Variants in RFX7 observed in about 807,000 individuals in gnomAD.
RFX7 encodes regulatory factor X7, also known as DNA-binding protein RFX7.
A neutral mutation model predicts 111.8 loss-of-function variants in RFX7; 26 were observed. The ratio of observed to expected loss-of-function variants is 0.23; its 90% confidence interval spans 0.17 to 0.32. The LOEUF is 0.32. RFX7 is among the 10% of genes least tolerant of loss of function. RFX7 has a pLI of 1.00. For missense variants in RFX7, 1,573 were observed against 1,772.9 expected, an observed-to-expected ratio of 0.89 and a Z score of 2.02; for synonymous variants, 624 against 624.4, an observed-to-expected ratio of 1.00 and a Z score of 0.01.
chr15:56,149,883 G>T (rs1328251918), intron 3 of RFX7, among the ~76,000 whole-genome samples: 1 of 152,078 alleles, frequency 6.6e-6, no homozygotes, highest in Non-Finnish European at 1.5e-5. Flanking sequence ...CTGGAAAGGG[G>T]CGCTGAAGCC....
intron 2 of RFX7, among the ~76,000 whole-genome samples, chr15:56,184,443 T>C (rs1378641374): frequency 4.6e-5 from 7 of 152,108 alleles, no homozygotes; most frequent in Non-Finnish European, 8.8e-5. Context: ...CTTTTTCTTA[T>C]CTAATTACTT....
chr15:56,229,622 G>A (rs1056982750), intron 2 of RFX7, among the ~76,000 whole-genome samples: 4 of 152,244 alleles, frequency 2.6e-5, no homozygotes, highest in Non-Finnish European at 4.4e-5. Flanking sequence ...CGGAAGACTC[G>A]TTAAAACAAA....
At chr15:56,107,376 TA>T (rs1163752050) in intron 5 of RFX7, among the ~76,000 whole-genome samples, 5 of 151,326 alleles carry the variant, frequency 3.3e-5, no homozygotes, top group Admixed American at 2.0e-4. Context: ...AGTACATTTT[TA>T]AGCCTGAAAT....
At chr15:56,153,493 T>C (rs1258054206) in intron 3 of RFX7, among the ~76,000 whole-genome samples, 1 of 152,040 alleles carries the variant, frequency 6.6e-6, no homozygotes, top group Non-Finnish European at 1.5e-5. Flanking sequence ...TCAATAAACA[T>C]AATCCCATCC....
At chr15:56,241,130 C>CA (rs1333182092) in intron 2 of RFX7, among the ~76,000 whole-genome samples, 1 of 151,998 alleles carries the variant, frequency 6.6e-6, no homozygotes, top group Non-Finnish European at 1.5e-5. Context: ...AATTTTAAAA[C>CA]AAAAATATAA....
intron 3 of RFX7, among the ~76,000 whole-genome samples, chr15:56,164,377 C>T (rs1446581996): frequency 6.6e-6 from 1 of 152,180 alleles, no homozygotes; most frequent in Admixed American, 6.5e-5. Context: ...TTGTTATTAC[C>T]ATCCAGACTA....
At chr15:56,105,955 G>A (rs2041824454) in intron 5 of RFX7, among the ~76,000 whole-genome samples, 1 of 152,108 alleles carries the variant, frequency 6.6e-6, no homozygotes, top group Non-Finnish European at 1.5e-5. Context: ...ATACATTGTT[G>A]AACTATAGGG....
chr15:56,147,852 C>T (rs1043760271), intron 3 of RFX7, among the ~76,000 whole-genome samples: 1 of 152,204 alleles, frequency 6.6e-6, no homozygotes, highest in African/African-American at 2.4e-5. Context: ...GGATTACAGG[C>T]GTGAGCCACC....
At chr15:56,139,348 C>T (rs543006257) in intron 5 of RFX7, among the ~76,000 whole-genome samples, 7 of 152,128 alleles carry the variant, frequency 4.6e-5, no homozygotes, top group East Asian at 1.9e-4. Context: ...ATTCCCTTCT[C>T]GCTTCATTTC....
intron 2 of RFX7, among the ~76,000 whole-genome samples, chr15:56,205,897 GCTA>G (rs1234399367): frequency 6.6e-6 from 1 of 152,146 alleles, no homozygotes; most frequent in African/African-American, 2.4e-5. Context: ...CATTAGGATA[GCTA>G]CTATTAAAAA....
intron 2 of RFX7, among the ~76,000 whole-genome samples, chr15:56,212,934 C>G (rs945228120): frequency 1.3e-5 from 2 of 152,010 alleles, no homozygotes; most frequent in Non-Finnish European, 2.9e-5. Flanking sequence ...CATCATTAGC[C>G]ATTAGGGAAA....
chr15:56,132,424 A>G (rs1458108016), intron 5 of RFX7, among the ~76,000 whole-genome samples: 2 of 152,094 alleles, frequency 1.3e-5, no homozygotes, highest in East Asian at 1.9e-4. Context: ...GTAAGGTAAC[A>G]GTACATTATA....
chr15:56,227,925 T>C (rs2043503674), intron 2 of RFX7, among the ~76,000 whole-genome samples: 1 of 152,204 alleles, frequency 6.6e-6, no homozygotes. Context: ...TTTGTTTCTC[T>C]GAGAAAGTCA....
At chr15:56,134,426 A>G (rs1169717861) in intron 5 of RFX7, among the ~76,000 whole-genome samples, 1 of 152,146 alleles carries the variant, frequency 6.6e-6, no homozygotes, top group Admixed American at 6.5e-5. Context: ...TTTTTGAACT[A>G]AAATACCCAG....
intron 2 of RFX7, among the ~76,000 whole-genome samples, chr15:56,241,696 T>A (rs2043691204): frequency 6.8e-6 from 1 of 147,936 alleles, no homozygotes; most frequent in African/African-American, 2.5e-5. Context: ...AGGGTATCCA[T>A]TGAAGAATAA....
At chr15:56,188,323 T>C (rs1397187243) in intron 2 of RFX7, among the ~76,000 whole-genome samples, 1 of 152,124 alleles carries the variant, frequency 6.6e-6, no homozygotes, top group African/African-American at 2.4e-5. Context: ...CAATATCAAG[T>C]GGTCTAACTA....
In RFX7 at chr15:56,243,796, GCCGCCGCCGCTCGCTCCCGGCC is replaced by G. The variant is rs1391829932; in HGVS notation, c.-376_-355del. ...CCACGCCACTCCCCACGCCGCCGCCGCCGCCGCCGCTCGCTCCCGGCCCCGCCGCCGCCGCGGCCGCCGCTGC... is the reference window on the plus strand; with the variant it reads ...CCACGCCACTCCCCACGCCGCCGCCGCCGCCGCCGCCGCGGCCGCCGCTGC... On this transcript the variant is annotated 5_prime_UTR_variant, in exon 1 of 10. Transcript: ENST00000559447. Among the ~76,000 whole-genome samples the G allele has an allele frequency of 1.4e-5, 2 of 147,924 alleles. No individual in the cohort carries two copies. The highest frequency in any genetic ancestry group is 1.9e-4 in the East Asian group (1 of 5,148).
At chr15:56,228,990 G>C (rs1391131809) in intron 2 of RFX7, among the ~76,000 whole-genome samples, 2 of 152,100 alleles carry the variant, frequency 1.3e-5, no homozygotes, top group African/African-American at 2.4e-5. Context: ...TAAAATAAGG[G>C]TTACTTGAAC....
chr15:56,141,833 G>C (rs920567073), intron 5 of RFX7, among the ~76,000 whole-genome samples: 4 of 151,266 alleles, frequency 2.6e-5, no homozygotes, highest in Admixed American at 2.6e-4. Flanking sequence ...CCTTTGTAAA[G>C]AGAAAATAAA....
Sources: allele counts gnomAD v4.1 joint callset (sites outside exome capture counted in the v4.1 genomes callset), GRCh38; gene constraint gnomAD v4.1.1; transcripts MANE v1.5; gene names NCBI Gene and HGNC (gene_info 2026-07-23, HGNC 2026-07-21).